Variants in UBR3 observed in about 807,000 individuals in gnomAD.
The protein encoded by UBR3 is ubiquitin protein ligase E3 component n-recognin 3.
Under a neutral mutation model 243.2 loss-of-function variants are expected in UBR3, and 85 were observed. The ratio of observed to expected loss-of-function variants is 0.35; its 90% CI spans 0.29 to 0.42. The LOEUF (loss-of-function observed/expected upper bound fraction) is 0.42. UBR3 is among the 10% of genes least tolerant of loss of function. The probability of loss-of-function intolerance (pLI) is 1.00; values close to 1 mark genes in which losing one functional copy is unlikely to be tolerated. For missense variants in UBR3, 1,686 were observed against 2,300.8 expected, an observed-to-expected ratio of 0.73 and a Z score of 5.47; for synonymous variants, 748 against 799.8, an observed-to-expected ratio of 0.94 and a Z score of 1.09.
chr2:169,919,565 T>G (rs1250709798), intron 11 of UBR3, among the ~76,000 whole-genome samples: 5 of 152,244 alleles, frequency 3.3e-5, no homozygotes, highest in African/African-American at 4.8e-5. Context: ...TCTACTCATC[T>G]GACAAAGGTT....
In UBR3 at chr2:169,905,136, G is replaced by A; in HGVS notation, c.1488G>A (p.Val496=). ...TAGATGAAGAAAATAGTTTACATGT[G>A]GTAGTGAACTGTGGAGAAGCATTAC... The part of the protein sequence containing the change: ...ELQDEENSLH[V]VVNCGEALLK... Residue 496 remains valine, a synonymous_variant, in exon 9 of 39, where the codon GTG becomes GTA. Transcript: ENST00000272793. The A allele has an allele frequency of 1.3e-6, 2 of 1,490,872 alleles. No individual in the cohort carries two copies. The highest frequency in any genetic ancestry group is 1.8e-6 in the Non-Finnish European group (2 of 1,121,150). The allele number at this position is 1,490,872 out of a possible 1,614,324, so 92.4% of individuals were successfully genotyped here.
chr2:169,861,029 G>A (rs1274118150), intron 1 of UBR3, among the ~76,000 whole-genome samples: 3 of 152,166 alleles, frequency 2.0e-5, no homozygotes, highest in South Asian at 2.1e-4. Flanking sequence ...CATCCAGCAC[G>A]GGAGAAAGAT....
chr2:170,041,096 ACTT>A, intron 32 of UBR3, 111 bp downstream of exon 32: 4 of 1,028,378 alleles, frequency 3.9e-6, no homozygotes, highest in Non-Finnish European at 4.2e-6. Context: ...TAATCCCCGC[ACTT>A]TAGGAGGCTG....
At chr2:169,982,679 T>C (rs1391121461) in intron 24 of UBR3, among the ~76,000 whole-genome samples, 1 of 152,174 alleles carries the variant, frequency 6.6e-6, no homozygotes, top group Non-Finnish European at 1.5e-5. Context: ...TTACTTTAAA[T>C]ATTAGTTTTC....
chr2:169,932,458 CTG>C (rs1455180003), intron 18 of UBR3, among the ~76,000 whole-genome samples: 10 of 152,062 alleles, frequency 6.6e-5, no homozygotes, highest in Non-Finnish European at 1.3e-4. Flanking sequence ...GAAATGAGGT[CTG>C]TCTTTGTTGC....
intron 1 of UBR3, among the ~76,000 whole-genome samples, chr2:169,841,727 G>A (rs559864298): frequency 2.0e-4 from 31 of 152,364 alleles, no homozygotes; most frequent in African/African-American, 7.2e-4. Context: ...CCGGCCCACC[G>A]GCGCTGTGCT....
Position 169,833,784 on chromosome 2 carries a change from A to AT in UBR3, c.545+5746dup, listed in dbSNP as rs746428736. Among the ~76,000 whole-genome samples, 1,222 of 144,258 alleles carry AT rather than the reference A, an allele frequency of 8.5e-3. 9 individuals carry two copies. Among genetic ancestry groups the AT allele is most frequent in the African/African-American group, 0.02 (773 of 39,414 alleles). The allele number at this position is 144,258 out of a possible 152,430, so 94.6% of individuals were successfully genotyped here. A position where few individuals can be genotyped will look rare whatever the true frequency, so the allele number is the denominator to read the frequency against. On this transcript the variant is annotated intron_variant, in intron 1 of 38. Transcript: ENST00000272793. ...GTTATAATTTATCCAGCATTTCTAG[A>AT]TTTTTTTTTTTTTTAGTGACAGGTT...
intron 3 of UBR3, 128 bp from the exon 4 acceptor site, chr2:169,877,366 A>G (rs980766027): frequency 2.5e-5 from 20 of 788,134 alleles, no homozygotes; most frequent in Non-Finnish European, 3.8e-5. Flanking sequence ...AAGCTATCTT[A>G]TATTATTCAT....
intron 24 of UBR3, among the ~76,000 whole-genome samples, chr2:169,962,419 A>C (rs2087621454): frequency 6.6e-6 from 1 of 152,052 alleles, no homozygotes; most frequent in African/African-American, 2.4e-5. Flanking sequence ...CAATTTCAGG[A>C]GAGCTCCTTA....
chr2:170,036,514 CA>C (rs201341653), intron 31 of UBR3, among the ~76,000 whole-genome samples: 2,407 of 151,674 alleles, frequency 0.016, 37 homozygotes, highest in Non-Finnish European at 0.026. Context: ...AAAAACTTAC[CA>C]AAAAAAGTAT....
chr2:169,860,155 G>A (rs575151277), intron 1 of UBR3, among the ~76,000 whole-genome samples: 4 of 152,122 alleles, frequency 2.6e-5, no homozygotes, highest in African/African-American at 9.6e-5. Context: ...CATCACTTTT[G>A]GGTCTATGTC....
chr2:170,019,981 A>G (rs998810451), intron 30 of UBR3, among the ~76,000 whole-genome samples: 1 of 151,962 alleles, frequency 6.6e-6, no homozygotes, highest in East Asian at 1.9e-4. Flanking sequence ...GGGTCTCACT[A>G]TGTTGACCAG....
chr2:169,936,882 C>T lies in UBR3; in HGVS notation c.2663+3874C>T, dbSNP rs557120176. On this transcript the variant is annotated intron_variant, in intron 19 of 38. Transcript: ENST00000272793. ...TTTTTTATGGCTGCATAGGATTCCA[C>T]GGTGTATATGTGCCACATTTTCTTA... is the stretch of plus-strand genomic sequence containing the variant. Among the ~76,000 whole-genome samples, 53 of 152,138 alleles carry T rather than the reference C, an allele frequency of 3.5e-4. No homozygotes were observed. The East Asian group carries it at 5.6e-3, about 16-fold the overall frequency.
intron 24 of UBR3, among the ~76,000 whole-genome samples, chr2:169,979,311 A>T (rs2105382609): frequency 6.6e-6 from 1 of 152,342 alleles, no homozygotes; most frequent in African/African-American, 2.4e-5. Flanking sequence ...GCAATTCAAA[A>T]TGGTACGGCT....
chr2:169,910,821 A>C (rs1041530639), intron 10 of UBR3, among the ~76,000 whole-genome samples: 1 of 152,194 alleles, frequency 6.6e-6, no homozygotes, highest in Non-Finnish European at 1.5e-5. Flanking sequence ...TGAATTTGAA[A>C]GCAAATTTAT....
At chr2:169,848,332 T>C (rs2082552137) in intron 1 of UBR3, among the ~76,000 whole-genome samples, 1 of 147,398 alleles carries the variant, frequency 6.8e-6, no homozygotes, top group African/African-American at 2.5e-5. Context: ...AAAAGTATCA[T>C]AGTTTTTTTT....
intron 8 of UBR3, among the ~76,000 whole-genome samples, chr2:169,904,500 C>A (rs2084943234): frequency 6.6e-6 from 1 of 151,706 alleles, no homozygotes; most frequent in Admixed American, 6.6e-5. Context: ...CAAGCCTATC[C>A]TCCCACCACC....
In UBR3 at chr2:170,029,371, G is replaced by A. The variant is rs760872567; in HGVS notation, c.4479G>A (p.Leu1493=). 11 of 1,610,442 alleles carry A rather than the reference G, an allele frequency of 6.8e-6. No individual in the cohort carries two copies. Among genetic ancestry groups the A allele is most frequent in the Non-Finnish European group, 7.6e-6 (9 of 1,178,196 alleles). Reference sequence around the variant, plus strand: ...ATCAGCTGTTTCATGTATTAGCCTTGCACATGCGGCTTTATAGCATTGACT... The same window carrying A: ...ATCAGCTGTTTCATGTATTAGCCTTACACATGCGGCTTTATAGCATTGACT... ...CLNQLFHVLA[L]HMRLYSIDSE... is the part of the protein sequence containing the mutation. Residue 1493 remains leucine, a synonymous_variant, in exon 31 of 39, where the codon TTG becomes TTA. Transcript: ENST00000272793.
intron 24 of UBR3, among the ~76,000 whole-genome samples, chr2:169,971,604 T>C (rs949155126): frequency 3.9e-5 from 6 of 152,130 alleles, no homozygotes; most frequent in Non-Finnish European, 8.8e-5. Flanking sequence ...ATTGCTTGTT[T>C]TTCTCAGGTT....
Sources: allele counts gnomAD v4.1 joint callset (sites outside exome capture counted in the v4.1 genomes callset), GRCh38; gene constraint gnomAD v4.1.1; transcripts MANE v1.5; gene names NCBI Gene and HGNC (gene_info 2026-07-23, HGNC 2026-07-21).